The following ARHGEF3 variants were observed in gnomAD, a reference collection of about 807,000 sequenced individuals.
ARHGEF3 encodes 59.8 kDA protein.
Under a neutral mutation model 63.2 loss-of-function variants are expected in ARHGEF3, and 28 were observed. That is an observed-to-expected ratio of 0.44 (90% CI 0.33 to 0.61). The LOEUF is 0.61. ARHGEF3 is among the 20% of genes least tolerant of loss of function. The pLI is 0.03. For synonymous variants in ARHGEF3, 266 were observed against 254.2 expected (o/e 1.05, Z -0.44); for missense variants, 533 against 659.3 (o/e 0.81, Z 2.10).
In ARHGEF3 at chr3:56,897,974, G is replaced by C. The variant is rs375285575; in HGVS notation, c.130-15620C>G. 8.7e-4 allele frequency among the ~76,000 whole-genome samples: 131 copies of C among 150,038 alleles called. 3 individuals are homozygous for C. The South Asian group carries it at 0.025, about 29-fold the overall frequency. Reference sequence around the variant, plus strand: ...TAGCTCACTGAAGCCTTGACCTCTGGGTCCAACTGATTCTCCCACCTTGGC... The same window carrying C: ...TAGCTCACTGAAGCCTTGACCTCTGCGTCCAACTGATTCTCCCACCTTGGC... On this transcript the variant is annotated intron_variant, in intron 3 of 12. Transcript: ENST00000338458.
chr3:56,729,354 C>G lies in ARHGEF3; in HGVS notation c.1497G>C (p.Thr499=). The change falls in exon 10 of 10, where the codon ACG becomes ACC. Residue 499 remains threonine, a synonymous_variant. Coordinates refer to ENST00000296315, the MANE Select transcript of ARHGEF3 (RefSeq NM_019555.3). ...SDSESDCSMD[T]SEVSLDCERM... ...GCTCACAGTCGAGGCTGACCTCACT[C>G]GTGTCCATACTACAGTCTGACTCAC... 6.2e-7 allele frequency: 1 copy of G among 1,614,128 alleles called. No homozygotes were observed. The highest frequency in any genetic ancestry group is 8.5e-7 in the Non-Finnish European group (1 of 1,180,022).
At chr3:56,942,436 C>A (rs1334491660) in intron 3 of ARHGEF3, among the ~76,000 whole-genome samples, 2 of 152,138 alleles carry the variant, frequency 1.3e-5, no homozygotes, top group Admixed American at 6.5e-5. Context: ...TGCCACGAAC[C>A]ATCCTCATAT....
At chr3:56,786,125 C>T (rs569300017) in intron 1 of ARHGEF3, among the ~76,000 whole-genome samples, 2 of 152,226 alleles carry the variant, frequency 1.3e-5, no homozygotes, top group Admixed American at 1.3e-4. Context: ...ACACAGCACC[C>T]GGGTGTTTTA....
chr3:56,907,985 A>G (rs946534160), intron 3 of ARHGEF3, among the ~76,000 whole-genome samples: 7 of 152,166 alleles, frequency 4.6e-5, no homozygotes, highest in Admixed American at 4.6e-4. Flanking sequence ...TTACCTATAA[A>G]ACAAACCTGC....
chr3:56,888,289 G>A (rs1283166946), intron 3 of ARHGEF3, among the ~76,000 whole-genome samples: 1 of 152,162 alleles, frequency 6.6e-6, no homozygotes, highest in Non-Finnish European at 1.5e-5. Context: ...ATCTATCCAT[G>A]TACTGCCCTG....
rs561864983 is a variant in ARHGEF3, at chr3:56,848,202, G to A, written c.192+34090C>T. ...CTTTAAAAAAAAGTATGTGGATGAG[G>A]GAATAGGTAAAAGAATAATGGTAAA... On this transcript the variant is annotated intron_variant, in intron 4 of 12. Transcript: ENST00000338458. Among the ~76,000 whole-genome samples, 22 of 152,250 alleles carry A rather than the reference G, an allele frequency of 1.4e-4. No individual in the cohort carries two copies. In the South Asian group the frequency reaches 4.4e-3, roughly 30 times the overall value.
At chr3:56,989,749 C>T (rs148111152) in intron 2 of ARHGEF3, among the ~76,000 whole-genome samples, 77 of 152,322 alleles carry the variant, frequency 5.1e-4, no homozygotes, top group African/African-American at 1.8e-3. Context: ...ACCCTGACTT[C>T]ATCAGTGAGT....
intron 2 of ARHGEF3, among the ~76,000 whole-genome samples, chr3:57,008,370 A>G (rs1031374047): frequency 1.3e-5 from 2 of 152,086 alleles, no homozygotes; most frequent in Non-Finnish European, 2.9e-5. Flanking sequence ...TTTACCTGCA[A>G]TAAAACTCCA....
At chr3:56,790,881 C>A (rs1206826302) in intron 1 of ARHGEF3, among the ~76,000 whole-genome samples, 2 of 152,170 alleles carry the variant, frequency 1.3e-5, no homozygotes, top group African/African-American at 4.8e-5. Context: ...CCAAATCTGA[C>A]AGCCCATGGC....
chr3:56,759,738 G>T (rs1490070975), intron 2 of ARHGEF3, among the ~76,000 whole-genome samples: 1 of 151,912 alleles, frequency 6.6e-6, no homozygotes, highest in African/African-American at 2.4e-5. Flanking sequence ...TAGACATGGG[G>T]TCTTGCTGTG....
At chr3:57,001,915 G>GTTTTTTTTTTTT in intron 2 of ARHGEF3, among the ~76,000 whole-genome samples, 1 of 53,718 alleles carries the variant, frequency 1.9e-5, no homozygotes, top group Non-Finnish European at 3.4e-5. Context: ...AAGTGAGATA[G>GTTTTTTTTTTTT]TTTTTTTTTT....
chr3:56,887,853 C>G (rs984528279), intron 3 of ARHGEF3, among the ~76,000 whole-genome samples: 15 of 152,298 alleles, frequency 9.8e-5, no homozygotes, highest in Admixed American at 8.5e-4. Flanking sequence ...CCTCAGTGCC[C>G]TGTGCTGAGC....
intron 2 of ARHGEF3, among the ~76,000 whole-genome samples, chr3:56,968,223 AATAT>A (rs574561116): frequency 5.6e-5 from 2 of 35,540 alleles, no homozygotes; most frequent in African/African-American, 8.9e-5. Flanking sequence ...TATTATATAT[AATAT>A]ATATATAAAT....
chr3:56,931,308 G>A (rs2042404056), intron 3 of ARHGEF3, among the ~76,000 whole-genome samples: 1 of 152,014 alleles, frequency 6.6e-6, no homozygotes, highest in South Asian at 2.1e-4. Flanking sequence ...AGGTGCAGTG[G>A]CTCACGCTTG....
intron 3 of ARHGEF3, among the ~76,000 whole-genome samples, chr3:56,918,326 G>A (rs2042036739): frequency 1.3e-5 from 2 of 152,224 alleles, no homozygotes; most frequent in South Asian, 4.1e-4. Flanking sequence ...CACTGGAAAT[G>A]TGAGACGACC....
chr3:57,059,051 T>C (rs1330869993), intron 1 of ARHGEF3, among the ~76,000 whole-genome samples: 4 of 149,556 alleles, frequency 2.7e-5, no homozygotes, highest in Non-Finnish European at 4.5e-5. Flanking sequence ...AAATGATGAG[T>C]TAATGGGTGC....
At chr3:56,851,483 G>A (rs925260958) in intron 4 of ARHGEF3, among the ~76,000 whole-genome samples, 2 of 152,198 alleles carry the variant, frequency 1.3e-5, no homozygotes, top group Admixed American at 6.5e-5. Flanking sequence ...GGCTGAAAGA[G>A]TTCAAGCAAT....
chr3:57,073,931 T>A, intron 1 of ARHGEF3: 1 of 1,614,214 alleles, frequency 6.2e-7, no homozygotes, highest in Non-Finnish European at 8.5e-7. Flanking sequence ...TGTGCCAAAG[T>A]GAGACCTGTC....
In ARHGEF3 at chr3:56,759,448, C is replaced by T. The variant is rs567931741; in HGVS notation, c.205-4297G>A. Among the ~76,000 whole-genome samples the T allele has an allele frequency of 4.6e-5, 7 of 152,322 alleles. No homozygotes were observed. In the South Asian group the frequency reaches 1.0e-3, roughly 23 times the overall value. On this transcript the variant is annotated intron_variant, in intron 2 of 9. Transcript: ENST00000296315. ...CCTCCCGAAGTGCTGGGATTACAGG[C>T]GTGAGCCTCCGCGCCTGGCCGAGAA...
Sources: gnomAD v4.1 joint callset for allele counts (sites outside exome capture counted in the v4.1 genomes callset) on GRCh38, gnomAD v4.1.1 for gene constraint, MANE v1.5 for transcripts, NCBI Gene and HGNC (gene_info 2026-07-23, HGNC 2026-07-21) for gene names.